The following TMEM242 variants were observed in gnomAD, a reference collection of about 807,000 sequenced individuals.
TMEM242 encodes UPF0463 transmembrane protein C6orf35.
TMEM242 carries 10 observed loss-of-function variants against 18.2 expected under a neutral mutation model. The ratio of observed to expected loss-of-function variants is 0.55; its 90% CI spans 0.34 to 0.93. The LOEUF (loss-of-function observed/expected upper bound fraction) is 0.93. Among genes scored for constraint, TMEM242 ranks in the 40% least tolerant of loss-of-function variants. The probability of loss-of-function intolerance (pLI) is 0.02; values close to 1 mark genes in which losing one functional copy is unlikely to be tolerated. For synonymous variants in TMEM242, 57 were observed against 69.9 expected (o/e 0.81, Z 0.92); for missense variants, 186 against 175.5 (o/e 1.06, Z -0.34).
intron 3 of TMEM242, among the ~76,000 whole-genome samples, chr6:157,310,906 G>C (rs1583563528): frequency 6.6e-6 from 1 of 151,786 alleles, no homozygotes; most frequent in African/African-American, 2.4e-5. Context: ...CCTCATCATA[G>C]TGCCCCAGTG....
At chr6:157,295,797 C>T (rs1452646370) in intron 3 of TMEM242, among the ~76,000 whole-genome samples, 5 of 152,136 alleles carry the variant, frequency 3.3e-5, no homozygotes, top group African/African-American at 7.2e-5. Flanking sequence ...GGGAAAGGAA[C>T]GGAGATGGGT....
At chr6:157,311,104 C>T (rs797025884) in intron 3 of TMEM242, among the ~76,000 whole-genome samples, 942 of 94,122 alleles carry the variant, frequency 0.01, 4 homozygotes, top group East Asian at 0.038. Context: ...ATCATAGTGT[C>T]CCAGTGTGCA....
At chr6:157,319,745 A>G (rs1278440507) in intron 2 of TMEM242, among the ~76,000 whole-genome samples, 1 of 152,218 alleles carries the variant, frequency 6.6e-6, no homozygotes, top group Non-Finnish European at 1.5e-5. Context: ...AATCTGTTTT[A>G]ATACCTAGAA....
At chr6:157,321,015 T>C (rs2128418058) in intron 2 of TMEM242, among the ~76,000 whole-genome samples, 1 of 148,702 alleles carries the variant, frequency 6.7e-6, no homozygotes, top group East Asian at 1.9e-4. Context: ...TTTTTTTCTT[T>C]TTTTTTTTTT....
rs587634547 is a variant in TMEM242, at chr6:157,299,744, G to A, written c.328-6745C>T. 2.6e-5 allele frequency: 41 copies of A among 1,602,984 alleles called. No individual in the cohort carries two copies. The African/African-American group carries it at 5.1e-4, about 20-fold the overall frequency. ...ACCTTCTGTGATAATCACTAGGCTG[G>A]AGTTTGCTGTGACAAGGTAATCTTT... On this transcript the variant is annotated intron_variant, in intron 3 of 3. Coordinates refer to ENST00000400788, the MANE Select transcript of TMEM242 (RefSeq NM_018452.6).
At chr6:157,295,426 T>C (rs1443070854) in intron 3 of TMEM242, among the ~76,000 whole-genome samples, 1 of 152,240 alleles carries the variant, frequency 6.6e-6, no homozygotes, top group Non-Finnish European at 1.5e-5. Context: ...TTCTCTTCAC[T>C]CTTCTGGTTG....
intron 3 of TMEM242, among the ~76,000 whole-genome samples, chr6:157,311,373 T>G (rs200181586): frequency 8.3e-6 from 1 of 120,992 alleles, no homozygotes; most frequent in Non-Finnish European, 1.9e-5. Context: ...CTCATCATAG[T>G]GTTCCAGTGT....
intron 3 of TMEM242, 60 bp from the exon 4 acceptor site, chr6:157,293,059 G>C (rs1583554227): frequency 1.5e-6 from 2 of 1,304,560 alleles, no homozygotes. Flanking sequence ...ACAGCTATTA[G>C]AGATGGCACC....
intron 3 of TMEM242, among the ~76,000 whole-genome samples, chr6:157,313,101 T>C (rs1583570889): frequency 1.3e-5 from 2 of 150,740 alleles, no homozygotes; most frequent in Admixed American, 6.6e-5. Flanking sequence ...CTCATCAAAG[T>C]GTCCCAGTGT....
chr6:157,299,776 A>G, intron 3 of TMEM242: 1 of 1,603,150 alleles, frequency 6.2e-7, no homozygotes, highest in Non-Finnish European at 8.5e-7. Context: ...CTTTGCTACA[A>G]ACAATATTTG....
At chr6:157,320,950 C>T (rs957914504) in intron 2 of TMEM242, among the ~76,000 whole-genome samples, 2 of 151,742 alleles carry the variant, frequency 1.3e-5, no homozygotes. Context: ...GAGAAAAAAT[C>T]CTACTTCAGT....
At chr6:157,300,477 A>G (rs1171431057) in intron 3 of TMEM242, among the ~76,000 whole-genome samples, 3 of 152,256 alleles carry the variant, frequency 2.0e-5, no homozygotes, top group Non-Finnish European at 4.4e-5. Context: ...AAATGCTTCT[A>G]TTAACTACGG....
intron 3 of TMEM242, among the ~76,000 whole-genome samples, chr6:157,310,885 C>A: frequency 6.6e-6 from 1 of 151,306 alleles, no homozygotes; most frequent in Non-Finnish European, 1.5e-5. Flanking sequence ...CCCCAGTGTG[C>A]ACTCACCTAG....
At chr6:157,310,400 C>A (rs1562381788) in intron 3 of TMEM242, among the ~76,000 whole-genome samples, 4 of 147,812 alleles carry the variant, frequency 2.7e-5, no homozygotes, top group Non-Finnish European at 4.6e-5. Context: ...ATCATAGTGT[C>A]CCAGTGGGCA....
At position 157,318,894 on chromosome 6, in the gene TMEM242, G is replaced by C; in HGVS notation, c.215C>G (p.Pro72Arg). 2 of 1,609,706 alleles carry C rather than the reference G, an allele frequency of 1.2e-6. No individual in the cohort carries two copies. The highest frequency in any genetic ancestry group is 1.7e-6 in the Non-Finnish European group (2 of 1,178,562). ...NKGSMATAAL[P>R]ESGSSLALRA... ...CAAGGCAAGGGAAGACCCGCTTTCC[G>C]GTAATGCAGCCGTGGCCATACTTCC... Residue 72 changes from proline (P) to arginine (R), a missense_variant, in exon 3 of 4, where the codon CCG becomes CGG. Transcript: ENST00000400788.
At chr6:157,312,977 C>T (rs1554249547) in intron 3 of TMEM242, among the ~76,000 whole-genome samples, 22 of 151,742 alleles carry the variant, frequency 1.4e-4, no homozygotes, top group African/African-American at 5.1e-4. Context: ...CCTCAGTGTG[C>T]GCTCACCTAG....
intron 2 of TMEM242, among the ~76,000 whole-genome samples, chr6:157,322,072 G>C (rs1444993696): frequency 6.6e-6 from 1 of 152,124 alleles, no homozygotes; most frequent in African/African-American, 2.4e-5. Flanking sequence ...GATGTTTTAC[G>C]TAACACTTTT....
chr6:157,313,757 G>A (rs1190746280), intron 3 of TMEM242, among the ~76,000 whole-genome samples: 1 of 115,736 alleles, frequency 8.6e-6, no homozygotes, highest in Non-Finnish European at 1.8e-5. Flanking sequence ...GACCCACTGT[G>A]CGCTCACCTG....
intron 3 of TMEM242, among the ~76,000 whole-genome samples, chr6:157,296,232 C>A (rs587684969): frequency 6.6e-6 from 1 of 152,310 alleles, no homozygotes; most frequent in South Asian, 2.1e-4. Context: ...AACTAGAGTA[C>A]CCATCCAGCA....
Sources: allele counts gnomAD v4.1 joint callset (sites outside exome capture counted in the v4.1 genomes callset), GRCh38; gene constraint gnomAD v4.1.1; transcripts MANE v1.5; gene names NCBI Gene and HGNC (gene_info 2026-07-23, HGNC 2026-07-21).